The following RPS6KA2 variants were observed in gnomAD, a reference collection of about 807,000 sequenced individuals.
The protein encoded by RPS6KA2 is ribosomal protein S6 kinase A2, also known as ribosomal protein S6 kinase alpha-2.
Under a neutral mutation model 91.8 loss-of-function variants are expected in RPS6KA2, and 42 were observed. The observed-to-expected ratio is 0.46, with a 90% CI of 0.36 to 0.59. The LOEUF (loss-of-function observed/expected upper bound fraction) is 0.59. RPS6KA2 is among the 20% of genes least tolerant of loss of function. RPS6KA2 has a pLI of 0.00. For missense variants in RPS6KA2, 798 were observed against 978.5 expected (o/e 0.82, Z 2.46); for synonymous variants, 414 against 393.6 (o/e 1.05, Z -0.61).
rs1339614593 is a variant in RPS6KA2 at position 166,554,922 on chromosome 6, G to A, written c.100-16138C>T. On this transcript the variant is annotated intron_variant, in intron 1 of 20. Coordinates refer to ENST00000265678, the MANE Select transcript of RPS6KA2 (RefSeq NM_021135.6). The surrounding 1 kb of genome is among the most constrained non-coding windows in gnomAD (Gnocchi z 4.3). ...AATTTACAAAACCTGATTTTGAGAT[G>A]ACTTTAGGAAATTGTTGCTTCTATA... 6.6e-6 allele frequency among the ~76,000 whole-genome samples: 1 copy of A among 152,218 alleles called. No individual in the cohort carries two copies. The highest frequency in any genetic ancestry group is 1.9e-4 in the East Asian group (1 of 5,202).
At position 166,648,279 on chromosome 6, in the gene RPS6KA2, T is replaced by C. The variant is rs1373281067; in HGVS notation, c.124-109495A>G. Among the ~76,000 whole-genome samples the C allele has an allele frequency of 6.6e-6, 1 of 150,922 alleles. No individual in the cohort carries two copies. Among genetic ancestry groups the C allele is most frequent in the Non-Finnish European group, 1.5e-5 (1 of 67,744 alleles). On this transcript the variant is annotated intron_variant, in intron 2 of 21. Transcript: ENST00000503859. This position sits in a 1 kb window ranked among gnomAD's most constrained non-coding sequence, Gnocchi z 4.8. ...ACACACTCATGTTCATACACACGCA[T>C]GCACACAGTATGCACACACACGCAT...
rs186104597 is a variant in RPS6KA2, at chr6:166,745,208, G to A, written c.123+112992C>T. Among the ~76,000 whole-genome samples, 56 of 147,884 alleles carry A rather than the reference G, an allele frequency of 3.8e-4. No individual in the cohort carries two copies. The South Asian group carries it at 9.5e-3, about 25-fold the overall frequency. On this transcript the variant is annotated intron_variant, in intron 2 of 21. Transcript: ENST00000503859. ...CCCTTGTTGCCCAGGCTGGAGTGCA[G>A]TGGCGCCATCTCGGCTCACTGCAAC...
At chr6:166,812,400 C>A (rs575783096) in intron 2 of RPS6KA2, among the ~76,000 whole-genome samples, 1 of 152,264 alleles carries the variant, frequency 6.6e-6, no homozygotes, top group East Asian at 1.9e-4. Flanking sequence ...GTTGGCAGCT[C>A]CCTCCCAGCC....
In RPS6KA2 at chr6:166,734,692, G is replaced by A. The variant is rs186607242; in HGVS notation, c.123+123508C>T. Among the ~76,000 whole-genome samples the A allele has an allele frequency of 4.0e-4, 61 of 152,268 alleles. 1 individual carries two copies. The highest frequency in any genetic ancestry group is 2.1e-3 in the South Asian group (10 of 4,820). ...GTGCTGATTTTCCCTGTGACAATGT[G>A]CCTTATTCAACATGAGAGGGAGCGT... On this transcript the variant is annotated intron_variant, in intron 2 of 21. Coordinates refer to the RPS6KA2 transcript ENST00000503859.
rs183140502 is a variant in RPS6KA2, at chr6:166,485,439, C to A, written c.907+3394G>T. The stretch of plus-strand genomic sequence containing the variant: ...TGGGGAGCAAGCCCCTGCCAGCGAG[C>A]CCCTGATCCCCTCCAGCTGGGAGGG... On this transcript the variant is annotated intron_variant, in intron 10 of 20. Transcript: ENST00000265678. 9.9e-5 allele frequency among the ~76,000 whole-genome samples: 15 copies of A among 151,704 alleles called. No individual in the cohort carries two copies. In the East Asian group the frequency reaches 2.9e-3, roughly 29 times the overall value.
rs1275868646 is a variant in RPS6KA2, at chr6:166,533,584, A to G, written c.217-2271T>C. On this transcript the variant is annotated intron_variant, in intron 2 of 20. Transcript: ENST00000265678. This position sits in a 1 kb window ranked among gnomAD's most constrained non-coding sequence, Gnocchi z 4.0. Reference sequence around the variant, plus strand: ...ATGAAGAGCAGGTGCAAAACGTTCCAGCTGCCACTCCCTGCTGTGGCAACT... The same window carrying G: ...ATGAAGAGCAGGTGCAAAACGTTCCGGCTGCCACTCCCTGCTGTGGCAACT... Among the ~76,000 whole-genome samples the G allele has an allele frequency of 6.6e-6, 1 of 152,234 alleles. No homozygotes were observed. Among genetic ancestry groups the G allele is most frequent in the Non-Finnish European group, 1.5e-5 (1 of 68,040 alleles).
intron 2 of RPS6KA2, among the ~76,000 whole-genome samples, chr6:166,535,537 G>A (rs1323593098): frequency 6.6e-6 from 1 of 152,210 alleles, no homozygotes; most frequent in Non-Finnish European, 1.5e-5. Context: ...ATATTTTAAA[G>A]GAAAAGAGGT....
At chr6:166,476,240 C>T (rs1780970790) in intron 10 of RPS6KA2, among the ~76,000 whole-genome samples, 1 of 152,130 alleles carries the variant, frequency 6.6e-6, no homozygotes, top group Admixed American at 6.5e-5. Flanking sequence ...CTAGGAGCGG[C>T]CAGGGACACA....
chr6:166,796,842 C>G (rs955306953), intron 2 of RPS6KA2, among the ~76,000 whole-genome samples: 3 of 152,206 alleles, frequency 2.0e-5, no homozygotes, highest in Admixed American at 6.5e-5. Flanking sequence ...CACAGTCACA[C>G]GAGTCACTCG....
intron 2 of RPS6KA2, among the ~76,000 whole-genome samples, chr6:166,843,607 C>T (rs970781837): frequency 2.0e-5 from 3 of 152,194 alleles, no homozygotes; most frequent in East Asian, 1.9e-4. Flanking sequence ...TCTTTGCAGA[C>T]GTTCCTCAGT....
chr6:166,578,092 A>T (rs576213972), intron 1 of RPS6KA2, among the ~76,000 whole-genome samples: 10 of 152,304 alleles, frequency 6.6e-5, no homozygotes, highest in African/African-American at 2.4e-4. Context: ...CCCAGCCATG[A>T]GGAACTGTAA....
Position 166,563,517 on chromosome 6 carries a change from C to T in RPS6KA2, c.100-24733G>A, listed in dbSNP as rs975979968. Among the ~76,000 whole-genome samples the T allele has an allele frequency of 3.9e-5, 6 of 151,968 alleles. No homozygotes were observed. Among genetic ancestry groups the T allele is most frequent in the African/African-American group, 1.5e-4 (6 of 41,364 alleles). ...ATGCCCAGCCTCAGCCTCCTGAGTGCTGTGCCTGCCCCCACTCCATCTGAG... is the reference window on the plus strand; with the variant it reads ...ATGCCCAGCCTCAGCCTCCTGAGTGTTGTGCCTGCCCCCACTCCATCTGAG... On this transcript the variant is annotated intron_variant, in intron 1 of 20. Coordinates refer to ENST00000265678, the MANE Select transcript of RPS6KA2 (RefSeq NM_021135.6). This position sits in a 1 kb window ranked among gnomAD's most constrained non-coding sequence, Gnocchi z 4.1.
chr6:166,819,615 T>C (rs1779853631), intron 2 of RPS6KA2, among the ~76,000 whole-genome samples: 2 of 152,242 alleles, frequency 1.3e-5, no homozygotes, highest in South Asian at 4.1e-4. Context: ...ATGAGTATAC[T>C]ATACTTCATT....
chr6:166,555,961 T>G (rs58032331), intron 1 of RPS6KA2, among the ~76,000 whole-genome samples: 10,045 of 151,896 alleles, frequency 0.066, 1,117 homozygotes, highest in African/African-American at 0.23. Context: ...AGTTGCTAAG[T>G]GGGGTATCTG....
chr6:166,455,129 C>A (rs1167116498), intron 12 of RPS6KA2, among the ~76,000 whole-genome samples: 2 of 152,114 alleles, frequency 1.3e-5, no homozygotes, highest in African/African-American at 4.8e-5. Context: ...CCCCCCTCGT[C>A]TGTTTAGGTG....
chr6:166,541,139 C>T (rs1448717963), intron 1 of RPS6KA2, among the ~76,000 whole-genome samples: 3 of 152,162 alleles, frequency 2.0e-5, no homozygotes, highest in African/African-American at 4.8e-5. Context: ...TAATGCGACG[C>T]CCACACTATG....
At chr6:166,689,188 T>C (rs1043597762) in intron 2 of RPS6KA2, among the ~76,000 whole-genome samples, 1 of 152,238 alleles carries the variant, frequency 6.6e-6, no homozygotes, top group African/African-American at 2.4e-5. Flanking sequence ...CCGAGCACCA[T>C]GTTTCCATGT....
intron 1 of RPS6KA2, among the ~76,000 whole-genome samples, chr6:166,608,004 T>C (rs1786014752): frequency 6.7e-6 from 1 of 149,320 alleles, no homozygotes; most frequent in African/African-American, 2.5e-5. Context: ...GGCAAAACCT[T>C]GTCTCAGAAA....
chr6:166,506,243 C>G (rs1782220738), intron 5 of RPS6KA2, among the ~76,000 whole-genome samples: 1 of 152,204 alleles, frequency 6.6e-6, no homozygotes, highest in African/African-American at 2.4e-5. Flanking sequence ...GTGGTGCCCG[C>G]CCTGGACAAC....
Sources: allele counts gnomAD v4.1 joint callset (sites outside exome capture counted in the v4.1 genomes callset), GRCh38; gene constraint gnomAD v4.1.1; non-coding constraint Gnocchi (gnomAD v3.1); transcripts MANE v1.5; gene names NCBI Gene and HGNC (gene_info 2026-07-23, HGNC 2026-07-21).